The following CMIP variants were observed in gnomAD, a reference collection of about 807,000 sequenced individuals.
CMIP encodes the protein c-Maf inducing protein.
In CMIP, 13 loss-of-function variants were observed where a neutral mutation model predicts 97.3. That is an observed-to-expected ratio of 0.13 (90% CI 0.09 to 0.21). CMIP has a LOEUF of 0.21. Ranked by LOEUF, CMIP falls within the 10% of genes least tolerant of loss-of-function variation. The probability of loss-of-function intolerance (pLI) is 1.00; values close to 1 mark genes in which losing one functional copy is unlikely to be tolerated. For synonymous variants in CMIP, 538 were observed against 436.3 expected, an observed-to-expected ratio of 1.23 and a Z score of -2.91; for missense variants, 847 against 1,024.9, an observed-to-expected ratio of 0.83 and a Z score of 2.37.
chr16:81,549,943 T>C (rs2090620967), intron 1 of CMIP, among the ~76,000 whole-genome samples: 1 of 152,254 alleles, frequency 6.6e-6, no homozygotes, highest in South Asian at 2.1e-4. Context: ...TGTGTGTGTG[T>C]GTATGTGCAC....
intron 1 of CMIP, among the ~76,000 whole-genome samples, chr16:81,505,010 G>C (rs1032435168): frequency 9.2e-5 from 14 of 152,252 alleles, no homozygotes; most frequent in Non-Finnish European, 1.9e-4. Flanking sequence ...CTGTGCAACG[G>C]TAACGGGCAG....
Position 81,678,636 on chromosome 16 carries a change from C to A in CMIP, c.1388+8C>A, listed in dbSNP as rs746295540. 6.8e-6 allele frequency: 9 copies of A among 1,315,094 alleles called. No individual in the cohort carries two copies. The highest frequency in any genetic ancestry group is 2.4e-5 in the East Asian group (1 of 41,406). 81.5% of individuals were successfully genotyped at this position (1,315,094 alleles called of 1,614,324 possible). On this transcript the variant is annotated splice_region_variant and intron_variant, in intron 10 of 20. Coordinates refer to ENST00000537098, the MANE Select transcript of CMIP (RefSeq NM_198390.3). ...GGAAATCCTCAAGCTGCTGTGAGTG[C>A]CCCCCCCGCGTGCCCGCCCCCGGGG...
At chr16:81,548,521 C>T (rs540164625) in intron 1 of CMIP, among the ~76,000 whole-genome samples, 45 of 152,152 alleles carry the variant, frequency 3.0e-4, no homozygotes, top group African/African-American at 1.0e-3. Context: ...GCCCACAGCA[C>T]CCTTCCACCC....
chr16:81,572,262 C>T (rs546758406), intron 1 of CMIP, among the ~76,000 whole-genome samples: 2 of 152,218 alleles, frequency 1.3e-5, no homozygotes, highest in Non-Finnish European at 2.9e-5. Flanking sequence ...CAAAACTAGC[C>T]TGGAGTTGGG....
chr16:81,644,975 C>T (rs2092347479), intron 3 of CMIP, among the ~76,000 whole-genome samples: 1 of 152,196 alleles, frequency 6.6e-6, no homozygotes, highest in African/African-American at 2.4e-5. Flanking sequence ...GACGTGATGA[C>T]AGGGACACCA....
intron 3 of CMIP, among the ~76,000 whole-genome samples, chr16:81,646,487 A>C (rs1469532421): frequency 1.3e-5 from 2 of 152,198 alleles, no homozygotes; most frequent in Admixed American, 6.5e-5. Context: ...GCATTATTGA[A>C]ATGGAATCCA....
chr16:81,475,988 A>G (rs1462452433), intron 1 of CMIP: 7 of 287,964 alleles, frequency 2.4e-5, no homozygotes, highest in Non-Finnish European at 4.8e-5. Flanking sequence ...CTCCTTCTCA[A>G]AAAAAAAAAA....
At chr16:81,557,373 T>C (rs2150866639) in intron 1 of CMIP, among the ~76,000 whole-genome samples, 1 of 150,764 alleles carries the variant, frequency 6.6e-6, no homozygotes, top group East Asian at 1.9e-4. Flanking sequence ...TCACTCATGT[T>C]GGTTGAATTC....
intron 1 of CMIP, among the ~76,000 whole-genome samples, chr16:81,581,115 T>G (rs2091289426): frequency 6.6e-6 from 1 of 152,220 alleles, no homozygotes; most frequent in Non-Finnish European, 1.5e-5. Flanking sequence ...TGCCTTCCTT[T>G]TGATGGCAGA....
At chr16:81,556,570 G>A (rs2090768558) in intron 1 of CMIP, among the ~76,000 whole-genome samples, 1 of 152,164 alleles carries the variant, frequency 6.6e-6, no homozygotes, top group East Asian at 1.9e-4. Flanking sequence ...GACAGAAGGT[G>A]GAATCCTGGT....
At chr16:81,696,237 G>A in intron 13 of CMIP, 1 of 424,834 alleles carries the variant, frequency 2.4e-6, no homozygotes, top group South Asian at 2.5e-5. Flanking sequence ...CTGATTGTGG[G>A]CGGTTGCTCT....
At position 81,701,728 on chromosome 16, in the gene CMIP, C is replaced by A. The variant is rs1342897322; in HGVS notation, c.1824C>A (p.Thr608=). Residue 608 remains threonine (T), a synonymous_variant, in exon 16 of 21, where the codon ACC becomes ACA. Transcript: ENST00000537098. The stretch of plus-strand genomic sequence containing the variant: ...ACACCCAACTGCAGATCATCTCAAC[C>A]CTGGAGAGCACAGACGTGGGGAAGC... ...NNDTQLQIIS[T]LESTDVGKRM... is the part of the protein sequence containing the mutation. 6.2e-7 allele frequency: 1 copy of A among 1,613,940 alleles called. No individual in the cohort carries two copies. The highest frequency in any genetic ancestry group is 1.1e-5 in the South Asian group (1 of 91,086).
chr16:81,504,424 C>T (rs567234553), intron 1 of CMIP, among the ~76,000 whole-genome samples: 3 of 151,986 alleles, frequency 2.0e-5, no homozygotes, highest in South Asian at 2.1e-4. Flanking sequence ...AGGTGGATCA[C>T]TTGAGGTCAA....
chr16:81,521,384 C>G (rs1000807226), intron 1 of CMIP, among the ~76,000 whole-genome samples: 8 of 151,902 alleles, frequency 5.3e-5, no homozygotes, highest in Admixed American at 1.3e-4. Context: ...GCCACCCCCC[C>G]CCGAATAGCA....
intron 1 of CMIP, among the ~76,000 whole-genome samples, chr16:81,488,747 C>T (rs1054249213): frequency 1.4e-4 from 22 of 152,124 alleles, no homozygotes; most frequent in Non-Finnish European, 2.6e-4. Context: ...TACTCCTCTT[C>T]GGGAACTCTC....
intron 1 of CMIP, among the ~76,000 whole-genome samples, chr16:81,465,983 G>A (rs921689790): frequency 2.0e-5 from 3 of 152,208 alleles, no homozygotes; most frequent in Non-Finnish European, 4.4e-5. Context: ...GCAAGAAGTC[G>A]ATGATGAAAA....
chr16:81,577,596 C>G (rs575822984), intron 1 of CMIP, among the ~76,000 whole-genome samples: 43 of 143,122 alleles, frequency 3.0e-4, no homozygotes, highest in Non-Finnish European at 2.4e-4. Context: ...CACCATCATC[C>G]CCATTACCAC....
chr16:81,489,036 T>G (rs75121593), intron 1 of CMIP, among the ~76,000 whole-genome samples: 2,236 of 152,238 alleles, frequency 0.015, 56 homozygotes, highest in African/African-American at 0.052. Flanking sequence ...ATTCGTTCAT[T>G]CTTTTGTTAT....
intron 1 of CMIP, among the ~76,000 whole-genome samples, chr16:81,512,952 G>T (rs2089841568): frequency 6.6e-6 from 1 of 152,142 alleles, no homozygotes; most frequent in African/African-American, 2.4e-5. Context: ...GCCCAAGCTG[G>T]TCTCAAACTC....
Sources: allele counts gnomAD v4.1 joint callset (sites outside exome capture counted in the v4.1 genomes callset), GRCh38; gene constraint gnomAD v4.1.1; transcripts MANE v1.5; gene names NCBI Gene and HGNC (gene_info 2026-07-23, HGNC 2026-07-21).